DCDC1: variants seen among roughly 807,000 people sequenced by gnomAD.
DCDC1 encodes the protein doublecortin domain-containing protein 1.
Under a neutral mutation model 178.3 loss-of-function variants are expected in DCDC1, and 200 were observed. That is an observed-to-expected ratio of 1.12 (90% CI 1.00 to 1.26). The LOEUF is 1.26. Among genes scored for constraint, DCDC1 ranks in the 50% most tolerant of loss-of-function variants. The probability of loss-of-function intolerance (pLI) is 0.00; values close to 1 mark genes in which losing one functional copy is unlikely to be tolerated. For missense variants in DCDC1, 1,983 were observed against 1,749.2 expected, an observed-to-expected ratio of 1.13 and a Z score of -2.38; for synonymous variants, 690 against 604.8, an observed-to-expected ratio of 1.14 and a Z score of -2.07.
intron 8 of DCDC1, among the ~76,000 whole-genome samples, chr11:31,247,230 G>A (rs2136946954): frequency 6.6e-6 from 1 of 152,066 alleles, no homozygotes; most frequent in South Asian, 2.1e-4. Flanking sequence ...TAGGAGGTAT[G>A]AAATCTTAGA....
chr11:31,004,945 T>C (rs1437983918), intron 20 of DCDC1, among the ~76,000 whole-genome samples: 3 of 152,284 alleles, frequency 2.0e-5, no homozygotes, highest in Non-Finnish European at 2.9e-5. Context: ...CTAGAAACTA[T>C]TAACATATGT....
chr11:31,091,462 C>A lies in DCDC1; in HGVS notation c.2168G>T (p.Gly723Val). Residue 723 changes from glycine (G) to valine (V), a missense_variant, in exon 17 of 39, where the codon GGT (glycine) becomes GTT (valine). Gly to Val is a moderately radical substitution (Grantham distance 109). Transcript: ENST00000684477. Reference protein sequence around the residue: ...RAITQGCLAIGHPIRVKAAEG... With the variant: ...RAITQGCLAIVHPIRVKAAEG... ...AGCAGCCTTGACTCTGATAGGATGA[C>A]CAATAGCCAGGCAGCCCTGAGTTAT... is the stretch of plus-strand genomic sequence containing the variant. 1 of 762,270 alleles carries A rather than the reference C, an allele frequency of 1.3e-6. No homozygotes were observed. Among genetic ancestry groups the A allele is most frequent in the Non-Finnish European group, 2.4e-6 (1 of 415,994 alleles). 47.2% of individuals were successfully genotyped at this position (762,270 alleles called of 1,614,324 possible). A position where few individuals can be genotyped will look rare whatever the true frequency, so the allele number is the denominator to read the frequency against.
intron 1 of DCDC1, among the ~76,000 whole-genome samples, chr11:31,357,473 C>A (rs1348938407): frequency 6.6e-6 from 1 of 151,966 alleles, no homozygotes; most frequent in Non-Finnish European, 1.5e-5. Flanking sequence ...AAACCCACAG[C>A]CAATATCATA....
chr11:31,140,610 G>C (rs556246243), intron 9 of DCDC1, among the ~76,000 whole-genome samples: 1 of 152,222 alleles, frequency 6.6e-6, no homozygotes, highest in South Asian at 2.1e-4. Context: ...CAAGAAACTA[G>C]TCAAGAACAG....
chr11:30,884,445 G>C (rs924235626), intron 36 of DCDC1, among the ~76,000 whole-genome samples: 1 of 152,102 alleles, frequency 6.6e-6, no homozygotes, highest in Non-Finnish European at 1.5e-5. Flanking sequence ...AAGAGAAACA[G>C]TTCCTTTAAA....
chr11:30,971,818 CCA>C (rs1949817526), intron 20 of DCDC1, among the ~76,000 whole-genome samples: 1 of 151,934 alleles, frequency 6.6e-6, no homozygotes, highest in Non-Finnish European at 1.5e-5. Flanking sequence ...ACTGTATTAG[CCA>C]CGATGGTCTC....
At chr11:30,902,072 G>T (rs1177610855) in intron 32 of DCDC1, among the ~76,000 whole-genome samples, 1 of 152,080 alleles carries the variant, frequency 6.6e-6, no homozygotes, top group Admixed American at 6.6e-5. Context: ...ATGTGTTCAA[G>T]TGAAAATATA....
chr11:31,272,820 G>A (rs181220926), intron 7 of DCDC1, among the ~76,000 whole-genome samples: 1 of 152,314 alleles, frequency 6.6e-6, no homozygotes, highest in Non-Finnish European at 1.5e-5. Flanking sequence ...CCAGATGCAT[G>A]GTGCAAGTTG....
intron 18 of DCDC1, 52 bp from the exon 19 acceptor site, chr11:31,065,205 A>C (rs1405550908): frequency 1.7e-5 from 11 of 631,360 alleles, no homozygotes; most frequent in Non-Finnish European, 3.1e-5. Flanking sequence ...AACAATAGCC[A>C]AAAATCCATC....
intron 2 of DCDC1, among the ~76,000 whole-genome samples, chr11:31,333,132 A>T (rs1399807470): frequency 6.6e-6 from 1 of 152,090 alleles, no homozygotes; most frequent in Non-Finnish European, 1.5e-5. Flanking sequence ...TTACCATTGT[A>T]TAATGGCCTT....
chr11:30,907,785 C>A (rs1945169121), intron 29 of DCDC1, among the ~76,000 whole-genome samples: 1 of 152,174 alleles, frequency 6.6e-6, no homozygotes, highest in Non-Finnish European at 1.5e-5. Flanking sequence ...AACTGCCCAG[C>A]TGACCCCAGC....
intron 20 of DCDC1, among the ~76,000 whole-genome samples, chr11:31,018,981 G>T (rs959409519): frequency 2.0e-5 from 3 of 152,174 alleles, no homozygotes; most frequent in African/African-American, 7.2e-5. Flanking sequence ...GGCGAAAGAT[G>T]CAAGAGATGG....
chr11:31,137,746 T>C lies in DCDC1; in HGVS notation c.1260A>G (p.Thr420=), dbSNP rs1963331259. ...CCGTCATTGAAAGAATGACTTTTTCTGTAATTTTCTCCTTCTGTTCATTCA... is the reference window on the plus strand; with the variant it reads ...CCGTCATTGAAAGAATGACTTTTTCCGTAATTTTCTCCTTCTGTTCATTCA... ...LVMNEQKEKI[T]EKVILSMTAK... The change falls in exon 10 of 39, where the codon ACA becomes ACG. Residue 420 remains threonine, a synonymous_variant. Coordinates refer to ENST00000684477, the MANE Select transcript of DCDC1 (RefSeq NM_001387274.1). The C allele has an allele frequency of 1.4e-6, 1 of 702,794 alleles. No individual in the cohort carries two copies. The highest frequency in any genetic ancestry group is 2.7e-5 in the East Asian group (1 of 37,284). 43.5% of individuals were successfully genotyped at this position (702,794 alleles called of 1,614,324 possible).
chr11:31,344,385 C>T (rs901531024), intron 1 of DCDC1, among the ~76,000 whole-genome samples: 1 of 152,142 alleles, frequency 6.6e-6, no homozygotes, highest in African/African-American at 2.4e-5. Context: ...TCTGATACCC[C>T]CACCTAGGGT....
chr11:31,135,672 C>T (rs763065622), intron 10 of DCDC1, among the ~76,000 whole-genome samples: 3 of 152,052 alleles, frequency 2.0e-5, no homozygotes, highest in Non-Finnish European at 2.9e-5. Flanking sequence ...GTATTCTCCT[C>T]GCTGTGTATT....
chr11:31,309,640 TA>T (rs869067238), intron 3 of DCDC1, among the ~76,000 whole-genome samples: 3 of 152,022 alleles, frequency 2.0e-5, no homozygotes, highest in African/African-American at 7.2e-5. Flanking sequence ...CATATTTTTT[TA>T]AAAAAATGGA....
intron 9 of DCDC1, among the ~76,000 whole-genome samples, chr11:31,140,695 G>T (rs1301491620): frequency 6.6e-6 from 1 of 152,054 alleles, no homozygotes; most frequent in Non-Finnish European, 1.5e-5. Flanking sequence ...CAGGAAAATG[G>T]TCTGGTTAGA....
At chr11:31,177,253 T>G (rs1156606119) in intron 9 of DCDC1, among the ~76,000 whole-genome samples, 1 of 152,006 alleles carries the variant, frequency 6.6e-6, no homozygotes, top group Non-Finnish European at 1.5e-5. Context: ...AAACTCTTTA[T>G]GTTAGCCCCA....
At chr11:31,297,121 CAG>C (rs1469881930) in intron 6 of DCDC1, among the ~76,000 whole-genome samples, 3 of 152,118 alleles carry the variant, frequency 2.0e-5, no homozygotes, top group Admixed American at 6.5e-5. Context: ...AGAAGAAAAA[CAG>C]AATCTGACTC....
Sources: allele counts gnomAD v4.1 joint callset (sites outside exome capture counted in the v4.1 genomes callset), GRCh38; gene constraint gnomAD v4.1.1; transcripts MANE v1.5; gene names NCBI Gene and HGNC (gene_info 2026-07-23, HGNC 2026-07-21).